ANKRD16: variants seen among roughly 807,000 people sequenced by gnomAD.
ANKRD16 encodes ankyrin repeat domain-containing protein 16.
Under a neutral mutation model 37.9 loss-of-function variants are expected in ANKRD16, and 35 were observed. That is an observed-to-expected ratio of 0.92 (90% CI 0.71 to 1.23). The LOEUF (loss-of-function observed/expected upper bound fraction) is 1.23. Ranked by LOEUF, ANKRD16 falls within the 50% of genes most tolerant of loss-of-function variation. ANKRD16 has a pLI of 0.00. For missense variants in ANKRD16, 480 were observed against 469.9 expected, an observed-to-expected ratio of 1.02 and a Z score of -0.20; for synonymous variants, 206 against 197.2, an observed-to-expected ratio of 1.04 and a Z score of -0.37.
At chr10:5,879,161 G>A (rs545903619) in intron 6 of ANKRD16, among the ~76,000 whole-genome samples, 5 of 152,088 alleles carry the variant, frequency 3.3e-5, no homozygotes, top group East Asian at 1.9e-4. Context: ...AGGTACCTGC[G>A]AGTCTTTGAA....
In ANKRD16 at chr10:5,871,383, A is replaced by T. The variant is rs1207212245; in HGVS notation, c.*33+6714T>A. On this transcript the variant is annotated intron_variant, in intron 7 of 7. Coordinates refer to ENST00000380094, the MANE Select transcript of ANKRD16 (RefSeq NM_019046.3). This position sits in a 1 kb window ranked among gnomAD's most constrained non-coding sequence, Gnocchi z 4.5. ...GCCTGGGCGACAGAGCTAGACTCCAACTCAAATAAATAAATAAATAAATAA... is the reference window on the plus strand; with the variant it reads ...GCCTGGGCGACAGAGCTAGACTCCATCTCAAATAAATAAATAAATAAATAA... Among the ~76,000 whole-genome samples, 1 of 120,604 alleles carries T rather than the reference A, an allele frequency of 8.3e-6. No individual in the cohort carries two copies. Among genetic ancestry groups the T allele is most frequent in the Admixed American group, 1.0e-4 (1 of 9,902 alleles). 79.1% of individuals were successfully genotyped at this position (120,604 alleles called of 152,430 possible). A position where few individuals can be genotyped will look rare whatever the true frequency, so the allele number is the denominator to read the frequency against.
At position 5,868,817 on chromosome 10, in the gene ANKRD16, G is replaced by A. The variant is rs948661668; in HGVS notation, c.*34-6126C>T. Among the ~76,000 whole-genome samples, 2 of 152,156 alleles carry A rather than the reference G, an allele frequency of 1.3e-5. No homozygotes were observed. The highest frequency in any genetic ancestry group is 2.9e-5 in the Non-Finnish European group (2 of 68,048). The stretch of plus-strand genomic sequence containing the variant: ...GTCAGCAAGACCACGAACCCACCAG[G>A]AGGAACAAACAACTCTGAATGTACC... On this transcript the variant is annotated intron_variant, in intron 7 of 7. Transcript: ENST00000380094. The surrounding 1 kb of genome is among the most constrained non-coding windows in gnomAD (Gnocchi z 4.9).
intron 7 of ANKRD16, among the ~76,000 whole-genome samples, chr10:5,872,717 C>T (rs919921044): frequency 1.9e-4 from 29 of 151,200 alleles, no homozygotes; most frequent in South Asian, 4.2e-4. Context: ...CCACCACACC[C>T]GGCTAATTTT....
In ANKRD16 at chr10:5,862,370, G is replaced by C. The variant is rs1420585959; in HGVS notation, c.*355C>G. On this transcript the variant is annotated 3_prime_UTR_variant, in exon 8 of 8. Transcript: ENST00000380094. This position sits in a 1 kb window ranked among gnomAD's most constrained non-coding sequence, Gnocchi z 6.5. ...CCTGAGGGTTGTGACGATCAGGGCAGAGGCAGAAGGCACCACCTCAATCTG... is the reference window on the plus strand; with the variant it reads ...CCTGAGGGTTGTGACGATCAGGGCACAGGCAGAAGGCACCACCTCAATCTG... 2.2e-6 allele frequency: 1 copy of C among 446,568 alleles called. No individual in the cohort carries two copies. The highest frequency in any genetic ancestry group is 4.4e-6 in the Non-Finnish European group (1 of 225,976). The allele number at this position is 446,568 out of a possible 1,614,324, so 27.7% of individuals were successfully genotyped here.
chr10:5,883,201 AAAGAT>A (rs1170915909), intron 4 of ANKRD16, 34 bp from the exon 5 acceptor site: 5 of 1,601,758 alleles, frequency 3.1e-6, no homozygotes, highest in Admixed American at 1.7e-5. Flanking sequence ...AGCAAAGGTC[AAAGAT>A]AAGAAACAGG....
chr10:5,888,107 G>A, intron 1 of ANKRD16, 40 bp from the exon 2 acceptor site: 2 of 1,580,692 alleles, frequency 1.3e-6, no homozygotes, highest in South Asian at 2.2e-5. Flanking sequence ...GGAGGCAGCT[G>A]AGACATTAGA....
At chr10:5,885,267 G>A (rs1469441916) in intron 3 of ANKRD16, among the ~76,000 whole-genome samples, 2 of 151,926 alleles carry the variant, frequency 1.3e-5, no homozygotes, top group Non-Finnish European at 2.9e-5. Flanking sequence ...TGCAAGCTCC[G>A]CCTCTTGGGT....
intron 5 of ANKRD16, among the ~76,000 whole-genome samples, chr10:5,881,444 ATATATATATATATATATATAT>A (rs1842310798): frequency 4.6e-4 from 52 of 113,056 alleles, no homozygotes; most frequent in African/African-American, 9.8e-4. Flanking sequence ...TTATTTATAT[ATATATATATATATATATATAT>A]ATATATATAT....
At position 5,865,896 on chromosome 10, in the gene ANKRD16, A is replaced by G. The variant is rs1842006918; in HGVS notation, c.*34-3205T>C. Among the ~76,000 whole-genome samples, 1 of 152,160 alleles carries G rather than the reference A, an allele frequency of 6.6e-6. No homozygotes were observed. Among genetic ancestry groups the G allele is most frequent in the Non-Finnish European group, 1.5e-5 (1 of 68,020 alleles). On this transcript the variant is annotated intron_variant, in intron 7 of 7. Transcript: ENST00000380094. The surrounding 1 kb of genome is among the most constrained non-coding windows in gnomAD (Gnocchi z 4.7). Reference sequence around the variant, plus strand: ...ACTTCTCTTTATACATCACAGAGAGAGCAGAAATAGCTCTTGGGGTCCTTA... The same window carrying G: ...ACTTCTCTTTATACATCACAGAGAGGGCAGAAATAGCTCTTGGGGTCCTTA...
chr10:5,862,398 C>T lies in ANKRD16; in HGVS notation c.*327G>A. On this transcript the variant is annotated 3_prime_UTR_variant, in exon 8 of 8. Transcript: ENST00000380094. This position sits in a 1 kb window ranked among gnomAD's most constrained non-coding sequence, Gnocchi z 6.5. Reference sequence around the variant, plus strand: ...GCAGAAGGCACCACCTCAATCTGGGCCTGTCTGCTGTGGCTGGTCAGTTTC... The same window carrying T: ...GCAGAAGGCACCACCTCAATCTGGGTCTGTCTGCTGTGGCTGGTCAGTTTC... 2.3e-6 allele frequency: 1 copy of T among 440,618 alleles called. No homozygotes were observed. The highest frequency in any genetic ancestry group is 1.6e-5 in the South Asian group (1 of 61,314). 27.3% of individuals were successfully genotyped at this position (440,618 alleles called of 1,614,324 possible).
intron 5 of ANKRD16, among the ~76,000 whole-genome samples, chr10:5,881,417 T>G (rs1312412880): frequency 7.7e-6 from 1 of 130,576 alleles, no homozygotes; most frequent in Admixed American, 8.6e-5. Context: ...TAATAAATAT[T>G]TTATAAAATA....
chr10:5,881,992 C>T (rs899631704), intron 5 of ANKRD16, among the ~76,000 whole-genome samples: 3 of 151,830 alleles, frequency 2.0e-5, no homozygotes, highest in South Asian at 2.1e-4. Context: ...TGGCCGGTCT[C>T]GATCTCTTGA....
At chr10:5,882,984 A>G (rs767369143) in intron 5 of ANKRD16, 22 bp downstream of exon 5, 12 of 1,609,094 alleles carry the variant, frequency 7.5e-6, no homozygotes, top group African/African-American at 6.7e-5. Context: ...AAGCTCGGAC[A>G]ACGTTATAAG....
intron 1 of ANKRD16, 98 bp downstream of exon 1, chr10:5,888,943 G>C: frequency 7.7e-7 from 1 of 1,300,584 alleles, no homozygotes; most frequent in Non-Finnish European, 1.0e-6. Context: ...TAGGAGCTGA[G>C]AACAGCTACG....
In ANKRD16 at chr10:5,869,701, C is replaced by T. The variant is rs575841727; in HGVS notation, c.*34-7010G>A. ...GAACGCGAGTATTTCTCCTCATGCA[C>T]AAGAAGCTACTCAATGCAGCAGCTA... is the stretch of plus-strand genomic sequence containing the variant. On this transcript the variant is annotated intron_variant, in intron 7 of 7. Coordinates refer to ENST00000380094, the MANE Select transcript of ANKRD16 (RefSeq NM_019046.3). The surrounding 1 kb of genome is among the most constrained non-coding windows in gnomAD (Gnocchi z 4.0). Among the ~76,000 whole-genome samples the T allele has an allele frequency of 1.1e-4, 14 of 131,600 alleles. 1 individual carries two copies. The South Asian group carries it at 3.2e-3, about 30-fold the overall frequency. The allele number at this position is 131,600 out of a possible 152,430, so 86.3% of individuals were successfully genotyped here.
chr10:5,880,360 G>C lies in ANKRD16; in HGVS notation c.866C>G (p.Thr289Arg). Residue 289 changes from threonine to arginine, a missense_variant, in exon 6 of 8, where the codon ACA becomes AGA. Physicochemically the swap from Thr to Arg is moderately conservative, Grantham distance 71. Transcript: ENST00000380094. ...TCCCAAGGATAAGAGAGTCTGAATTGTACTTGTATGTCCTTCCTGAATTGA... is the reference window on the plus strand; with the variant it reads ...TCCCAAGGATAAGAGAGTCTGAATTCTACTTGTATGTCCTTCCTGAATTGA... ...HYAAKEGHTS[T>R]IQTLLSLGAD... 1 of 1,601,022 alleles carries C rather than the reference G, an allele frequency of 6.2e-7. No homozygotes were observed. Among genetic ancestry groups the C allele is most frequent in the Non-Finnish European group, 8.5e-7 (1 of 1,175,016 alleles).
At position 5,870,404 on chromosome 10, in the gene ANKRD16, CTT is replaced by C. The variant is rs771792284; in HGVS notation, c.*33+7691_*33+7692del. ...GCCAGTCCTCATTCCCTCCCTACTG[CTT>C]TTTTTTTTTTTTTTTGAAACAGGGT... On this transcript the variant is annotated intron_variant, in intron 7 of 7. Transcript: ENST00000380094. This position sits in a 1 kb window ranked among gnomAD's most constrained non-coding sequence, Gnocchi z 5.0. 4.8e-4 allele frequency among the ~76,000 whole-genome samples: 65 copies of C among 136,840 alleles called. No homozygotes were observed. Among genetic ancestry groups the C allele is most frequent in the Admixed American group, 5.2e-4 (7 of 13,488 alleles). 89.8% of individuals were successfully genotyped at this position (136,840 alleles called of 152,430 possible). A position where few individuals can be genotyped will look rare whatever the true frequency, so the allele number is the denominator to read the frequency against.
chr10:5,878,829 G>A lies in ANKRD16; in HGVS notation c.929-542C>T, dbSNP rs951648113. On this transcript the variant is annotated intron_variant, in intron 6 of 7. Coordinates refer to ENST00000380094, the MANE Select transcript of ANKRD16 (RefSeq NM_019046.3). This position sits in a 1 kb window ranked among gnomAD's most constrained non-coding sequence, Gnocchi z 5.1. ...AAAAGAAACTTATCTAAAGCAAGAA[G>A]CAACAGAGCAAGTTAACAAGATATA... Among the ~76,000 whole-genome samples, 3 of 151,362 alleles carry A rather than the reference G, an allele frequency of 2.0e-5. No individual in the cohort carries two copies. Among genetic ancestry groups the A allele is most frequent in the Non-Finnish European group, 2.9e-5 (2 of 67,848 alleles).
rs1031162198 is a variant in ANKRD16 at position 5,874,367 on chromosome 10, G to C, written c.*33+3730C>G. Among the ~76,000 whole-genome samples, 1 of 152,222 alleles carries C rather than the reference G, an allele frequency of 6.6e-6. No homozygotes were observed. The highest frequency in any genetic ancestry group is 2.4e-5 in the African/African-American group (1 of 41,466). ...GCCACAATTGGCAATCAATGCCCTTGGTCACATTAGTGAGAACGCCCTGGC... is the reference window on the plus strand; with the variant it reads ...GCCACAATTGGCAATCAATGCCCTTCGTCACATTAGTGAGAACGCCCTGGC... On this transcript the variant is annotated intron_variant, in intron 7 of 7. Transcript: ENST00000380094. This position sits in a 1 kb window ranked among gnomAD's most constrained non-coding sequence, Gnocchi z 4.7.
Sources: gnomAD v4.1 joint callset for allele counts (sites outside exome capture counted in the v4.1 genomes callset) on GRCh38, gnomAD v4.1.1 for gene constraint, Gnocchi (gnomAD v3.1) non-coding constraint, MANE v1.5 for transcripts, NCBI Gene and HGNC (gene_info 2026-07-23, HGNC 2026-07-21) for gene names.